The following DGKB variants were observed in gnomAD, a reference collection of about 807,000 sequenced individuals.
DGKB encodes 90 kDa diacylglycerol kinase.
Under a neutral mutation model 114.3 loss-of-function variants are expected in DGKB, and 67 were observed. The observed-to-expected ratio is 0.59, with a 90% confidence interval of 0.48 to 0.72. DGKB has a LOEUF of 0.72. Among genes scored for constraint, DGKB ranks in the 30% least tolerant of loss-of-function variants. The probability of loss-of-function intolerance (pLI) is 0.00; values close to 1 mark genes in which losing one functional copy is unlikely to be tolerated. For missense variants in DGKB, 907 were observed against 975.2 expected (o/e 0.93, Z 0.93); for synonymous variants, 398 against 323.1 (o/e 1.23, Z -2.49).
chr7:14,475,273 C>T (rs913323940), intron 21 of DGKB, among the ~76,000 whole-genome samples: 2 of 152,082 alleles, frequency 1.3e-5, no homozygotes, highest in Admixed American at 6.6e-5. Context: ...TGAAAGTGTG[C>T]TATGGCTGAG....
At chr7:14,292,037 A>C (rs538875146) in intron 23 of DGKB, among the ~76,000 whole-genome samples, 1 of 152,262 alleles carries the variant, frequency 6.6e-6, no homozygotes, top group Admixed American at 6.5e-5. Context: ...GCTTCCTTTT[A>C]AAGTGTGAAT....
At chr7:14,840,064 T>C (rs967276128) in intron 2 of DGKB, among the ~76,000 whole-genome samples, 1 of 152,222 alleles carries the variant, frequency 6.6e-6, no homozygotes, top group East Asian at 1.9e-4. Flanking sequence ...TCTATCTTCA[T>C]GTTCTAAGTC....
At chr7:14,599,080 ATC>A (rs1803086804) in intron 17 of DGKB, among the ~76,000 whole-genome samples, 1 of 152,244 alleles carries the variant, frequency 6.6e-6, no homozygotes, top group Non-Finnish European at 1.5e-5. Context: ...TTAAAGTCAG[ATC>A]TCTCTTCCTT....
chr7:14,473,195 C>T (rs1307422219), intron 21 of DGKB, among the ~76,000 whole-genome samples: 1 of 152,148 alleles, frequency 6.6e-6, no homozygotes, highest in African/African-American at 2.4e-5. Flanking sequence ...GTGAGCCAAG[C>T]CCAGGGTGCC....
intron 20 of DGKB, among the ~76,000 whole-genome samples, chr7:14,571,273 T>A (rs955137568): frequency 6.6e-6 from 1 of 152,258 alleles, no homozygotes; most frequent in Non-Finnish European, 1.5e-5. Flanking sequence ...TGTAGTTCTA[T>A]CAGAGTGGAA....
chr7:14,968,788 T>C (rs534547335), intron 1 of DGKB, among the ~76,000 whole-genome samples: 1 of 152,334 alleles, frequency 6.6e-6, no homozygotes, highest in African/African-American at 2.4e-5. Flanking sequence ...TGGCATTCTT[T>C]ATTTGAGCAT....
intron 21 of DGKB, among the ~76,000 whole-genome samples, chr7:14,410,699 G>T (rs1480823432): frequency 6.6e-6 from 1 of 152,038 alleles, no homozygotes; most frequent in Non-Finnish European, 1.5e-5. Flanking sequence ...TTGACAAAAT[G>T]AGTAAATAGT....
intron 9 of DGKB, among the ~76,000 whole-genome samples, chr7:14,691,170 T>G (rs12699655): frequency 0.44 from 67,224 of 152,036 alleles, 16,116 homozygotes; most frequent in East Asian, 0.87. Context: ...TCGTAAATGT[T>G]GTGCCTTACA....
intron 23 of DGKB, among the ~76,000 whole-genome samples, chr7:14,241,957 TAC>T (rs71033980): frequency 0.026 from 3,809 of 148,178 alleles, 153 homozygotes; most frequent in African/African-American, 0.086. Context: ...CACACACATA[TAC>T]ACACACACAC....
chr7:14,224,590 A>G (rs895066086), intron 23 of DGKB, among the ~76,000 whole-genome samples: 1 of 151,880 alleles, frequency 6.6e-6, no homozygotes, highest in Non-Finnish European at 1.5e-5. Flanking sequence ...GAAACTTGAC[A>G]CTTTAGGTAA....
At chr7:14,440,253 G>A (rs1829892639) in intron 21 of DGKB, among the ~76,000 whole-genome samples, 2 of 152,090 alleles carry the variant, frequency 1.3e-5, no homozygotes, top group Non-Finnish European at 2.9e-5. Flanking sequence ...GGTTCTGACT[G>A]CCCTCAGCAT....
rs1425756698 is a variant in DGKB, at chr7:14,275,433, C to A, written c.2122+63082G>T. 2.0e-5 allele frequency among the ~76,000 whole-genome samples: 3 copies of A among 152,226 alleles called. No homozygotes were observed. In the South Asian group the frequency reaches 6.2e-4, roughly 32 times the overall value. Reference sequence around the variant, plus strand: ...ATTTGACATGAGCCTACTTCTTCAACTAATCCAGGCTTACATTTAAATCTT... The same window carrying A: ...ATTTGACATGAGCCTACTTCTTCAAATAATCCAGGCTTACATTTAAATCTT... On this transcript the variant is annotated intron_variant, in intron 23 of 25. Coordinates refer to ENST00000402815, the MANE Select transcript of DGKB (RefSeq NM_001350709.2).
At chr7:14,935,739 T>C (rs189765553) in intron 1 of DGKB, among the ~76,000 whole-genome samples, 3 of 152,110 alleles carry the variant, frequency 2.0e-5, no homozygotes, top group Non-Finnish European at 4.4e-5. Flanking sequence ...CTCTCCTCTC[T>C]TTTCTCTCCC....
At chr7:14,641,967 T>C (rs556809061) in intron 13 of DGKB, among the ~76,000 whole-genome samples, 29 of 152,210 alleles carry the variant, frequency 1.9e-4, no homozygotes, top group African/African-American at 5.3e-4. Flanking sequence ...TAATTTTCTT[T>C]ACACTTAAGA....
intron 2 of DGKB, among the ~76,000 whole-genome samples, chr7:14,815,490 C>T (rs1003731631): frequency 1.1e-4 from 16 of 152,214 alleles, no homozygotes. Flanking sequence ...CAGGTTGCCC[C>T]ATTTCTGCCC....
intron 9 of DGKB, 78 bp downstream of exon 9, chr7:14,693,997 T>C: frequency 1.3e-6 from 2 of 1,495,644 alleles, no homozygotes; most frequent in Non-Finnish European, 1.8e-6. Flanking sequence ...AATGGTCACA[T>C]CAATCTGTAA....
chr7:14,229,999 A>C (rs2128338607), intron 23 of DGKB, among the ~76,000 whole-genome samples: 1 of 152,118 alleles, frequency 6.6e-6, no homozygotes, highest in East Asian at 1.9e-4. Context: ...ATAGTGAAAG[A>C]TTTGTGGTGG....
At chr7:14,228,612 C>T (rs1791210194) in intron 23 of DGKB, among the ~76,000 whole-genome samples, 1 of 151,902 alleles carries the variant, frequency 6.6e-6, no homozygotes, top group African/African-American at 2.4e-5. Context: ...GACAGGACTA[C>T]CCACAAAGCA....
At chr7:14,353,155 C>T (rs1813793657) in intron 21 of DGKB, among the ~76,000 whole-genome samples, 1 of 152,110 alleles carries the variant, frequency 6.6e-6, no homozygotes, top group Non-Finnish European at 1.5e-5. Flanking sequence ...AAATGTCTCT[C>T]ATTATATACA....
Sources: allele counts gnomAD v4.1 joint callset (sites outside exome capture counted in the v4.1 genomes callset), GRCh38; gene constraint gnomAD v4.1.1; transcripts MANE v1.5; gene names NCBI Gene and HGNC (gene_info 2026-07-23, HGNC 2026-07-21).